The following TTBK1 variants were observed in gnomAD, a reference collection of about 807,000 sequenced individuals.
The protein encoded by TTBK1 is tau tubulin kinase 1.
TTBK1 carries 34 observed loss-of-function variants against 108.5 expected under a neutral mutation model. The observed-to-expected ratio is 0.31, with a 90% CI of 0.24 to 0.42. The LOEUF is 0.42. Ranked by LOEUF, TTBK1 falls within the 10% of genes least tolerant of loss-of-function variation. The pLI is 1.00. For missense variants in TTBK1, 1,539 were observed against 1,826.0 expected, an observed-to-expected ratio of 0.84 and a Z score of 2.86; for synonymous variants, 809 against 795.1, an observed-to-expected ratio of 1.02 and a Z score of -0.29.
chr6:43,245,826 G>A (rs928276975), intron 1 of TTBK1, among the ~76,000 whole-genome samples: 23 of 151,898 alleles, frequency 1.5e-4, no homozygotes, highest in Non-Finnish European at 2.9e-5. Flanking sequence ...CACTTCTCCT[G>A]CCTCCTGCTA....
rs555957876 is a variant in TTBK1 at position 43,282,762 on chromosome 6, C to G, written c.2022C>G (p.Gly674=). The G allele has an allele frequency of 1.9e-6, 3 of 1,611,110 alleles. No homozygotes were observed. Among genetic ancestry groups the G allele is most frequent in the African/African-American group, 1.3e-5 (1 of 74,664 alleles). Residue 674 remains glycine (G), a synonymous_variant, in exon 14 of 15, where the codon GGC becomes GGG. Transcript: ENST00000259750. The surrounding 1 kb of genome is among the most constrained non-coding windows in gnomAD (Gnocchi z 5.4). ...TGGCGCCCCCATTTGAGGTGAATGG[C>G]CTCCCACGAGCTGTGCCTCTGAGTC... is the stretch of plus-strand genomic sequence containing the variant. ...FSVAPPFEVN[G]LPRAVPLSLP...
At position 43,285,247 on chromosome 6, in the gene TTBK1, C is replaced by A; in HGVS notation, c.3837C>A (p.Ala1279=). The A allele has an allele frequency of 7.7e-7, 1 of 1,296,194 alleles. No homozygotes were observed. The highest frequency in any genetic ancestry group is 2.6e-5 in the South Asian group (1 of 39,068). The allele number at this position is 1,296,194 out of a possible 1,614,324, so 80.3% of individuals were successfully genotyped here. The part of the protein sequence containing the change: ...GVPPPRGVPP[A]RAQPDGTPSP... ...CCCCGCCCCGGGGCGTCCCGCCGGC[C>A]CGGGCCCAGCCTGATGGCACCCCCT... Residue 1279 remains alanine, a synonymous_variant, in exon 15 of 15, where the codon GCC becomes GCA. Transcript: ENST00000259750. This position sits in a 1 kb window ranked among gnomAD's most constrained non-coding sequence, Gnocchi z 4.7.
In TTBK1 at chr6:43,269,966, C is replaced by G. The variant is rs963889163; in HGVS notation, c.1986+6616C>G. 15 of 1,433,432 alleles carry G rather than the reference C, an allele frequency of 1.0e-5. No homozygotes were observed. Among genetic ancestry groups the G allele is most frequent in the East Asian group, 2.6e-5 (1 of 39,044 alleles). 88.8% of individuals were successfully genotyped at this position (1,433,432 alleles called of 1,614,324 possible). A position where few individuals can be genotyped will look rare whatever the true frequency, so the allele number is the denominator to read the frequency against. ...ACAAGACCTAGGCTGGGCCCCCCCC[C>G]TCCTGGAGGGGGCAGGTGGGGGGGG... On this transcript the variant is annotated intron_variant, in intron 13 of 14. Transcript: ENST00000259750. This position sits in a 1 kb window ranked among gnomAD's most constrained non-coding sequence, Gnocchi z 4.8.
At chr6:43,245,690 A>G (rs150572931) in intron 1 of TTBK1, among the ~76,000 whole-genome samples, 5 of 152,222 alleles carry the variant, frequency 3.3e-5, no homozygotes, top group African/African-American at 1.2e-4. Flanking sequence ...TCTCCCTGAT[A>G]TCTAAATTCT....
At chr6:43,245,671 T>C (rs1052362608) in intron 1 of TTBK1, among the ~76,000 whole-genome samples, 1 of 152,034 alleles carries the variant, frequency 6.6e-6, no homozygotes, top group African/African-American at 2.4e-5. Context: ...ACCCCCGCCG[T>C]TGGGAAACTC....
At position 43,282,254 on chromosome 6, in the gene TTBK1, C is replaced by T. The variant is rs1166001359; in HGVS notation, c.1987-473C>T. Among the ~76,000 whole-genome samples, 3 of 152,208 alleles carry T rather than the reference C, an allele frequency of 2.0e-5. No homozygotes were observed. The highest frequency in any genetic ancestry group is 4.4e-5 in the Non-Finnish European group (3 of 68,040). On this transcript the variant is annotated intron_variant, in intron 13 of 14. Coordinates refer to ENST00000259750, the MANE Select transcript of TTBK1 (RefSeq NM_032538.3). The surrounding 1 kb of genome is among the most constrained non-coding windows in gnomAD (Gnocchi z 5.4). ...CATCTAGGAGCCAGCCCGGCACAGC[C>T]CATCCAGGAAGTGGCACAGATACTT...
chr6:43,255,864 C>T lies in TTBK1; in HGVS notation c.861+8C>T. The T allele has an allele frequency of 6.2e-7, 1 of 1,614,064 alleles. No homozygotes were observed. Among genetic ancestry groups the T allele is most frequent in the Non-Finnish European group, 8.5e-7 (1 of 1,179,966 alleles). ...ACCAAGCCCGACTACCAGGTGGGAGCCTGCTACCCTGCCCCCGCTCCCTCG... is the reference window on the plus strand; with the variant it reads ...ACCAAGCCCGACTACCAGGTGGGAGTCTGCTACCCTGCCCCCGCTCCCTCG... On this transcript the variant is annotated splice_region_variant and intron_variant, in intron 9 of 14. Coordinates refer to ENST00000259750, the MANE Select transcript of TTBK1 (RefSeq NM_032538.3).
chr6:43,263,600 G>A lies in TTBK1; in HGVS notation c.1986+250G>A, dbSNP rs975112930. ...GCAGTGAAGCCAAGTGACAAGGCAG[G>A]AGAAGGGCCTCGCAGGCCACGGGCA... On this transcript the variant is annotated intron_variant, in intron 13 of 14. Coordinates refer to ENST00000259750, the MANE Select transcript of TTBK1 (RefSeq NM_032538.3). The surrounding 1 kb of genome is among the most constrained non-coding windows in gnomAD (Gnocchi z 4.7). Among the ~76,000 whole-genome samples, 5 of 152,242 alleles carry A rather than the reference G, an allele frequency of 3.3e-5. No homozygotes were observed. The highest frequency in any genetic ancestry group is 4.1e-4 in the South Asian group (2 of 4,830).
At position 43,254,306 on chromosome 6, in the gene TTBK1, A is replaced by G. The variant is rs370218815; in HGVS notation, c.472-241A>G. ...GTCACCACTTGCTGTGTAATCTCAGAGATGCTTCCTAAGCTCTTTGACCTT... is the reference window on the plus strand; with the variant it reads ...GTCACCACTTGCTGTGTAATCTCAGGGATGCTTCCTAAGCTCTTTGACCTT... On this transcript the variant is annotated intron_variant, in intron 5 of 14. Transcript: ENST00000259750. Among the ~76,000 whole-genome samples, 25 of 152,362 alleles carry G rather than the reference A, an allele frequency of 1.6e-4. No individual in the cohort carries two copies. In the East Asian group the frequency reaches 2.5e-3, roughly 15 times the overall value.
intron 13 of TTBK1, among the ~76,000 whole-genome samples, chr6:43,266,184 G>A (rs1264612128): frequency 6.6e-6 from 1 of 152,208 alleles, no homozygotes; most frequent in African/African-American, 2.4e-5. Context: ...CTGTGCATGT[G>A]CGTTTGTGTC....
chr6:43,266,569 G>C (rs922891688), intron 13 of TTBK1, among the ~76,000 whole-genome samples: 1 of 152,220 alleles, frequency 6.6e-6, no homozygotes, highest in East Asian at 1.9e-4. Context: ...CAGGCAACTC[G>C]TTCCGAGAGC....
chr6:43,272,513 C>G, intron 13 of TTBK1: 2 of 985,432 alleles, frequency 2.0e-6, no homozygotes, highest in Non-Finnish European at 2.4e-6. Flanking sequence ...AGGGTGTGTC[C>G]TTTAAAGCAA....
In TTBK1 at chr6:43,283,379, A is replaced by G; in HGVS notation, c.2639A>G (p.Asp880Gly). 1 of 1,606,562 alleles carries G rather than the reference A, an allele frequency of 6.2e-7. No individual in the cohort carries two copies. ...ERPQPTGSQL[D>G]VSEPGTLSSV... ...CCCCAGCCCACGGGCAGCCAGCTGG[A>G]CGTATCTGAGCCAGGCACCCTGTCC... The change falls in exon 14 of 15, where the codon GAC becomes GGC. Residue 880 changes from aspartate to glycine, a missense_variant. By Grantham distance (94) the Asp-to-Gly change is moderately conservative (BLOSUM62 -1). Transcript: ENST00000259750. This position sits in a 1 kb window ranked among gnomAD's most constrained non-coding sequence, Gnocchi z 8.1.
At position 43,283,995 on chromosome 6, in the gene TTBK1, G is replaced by T. The variant is rs895320997; in HGVS notation, c.3255G>T (p.Pro1085=). 9 of 1,602,232 alleles carry T rather than the reference G, an allele frequency of 5.6e-6. No individual in the cohort carries two copies. Among genetic ancestry groups the T allele is most frequent in the African/African-American group, 1.3e-5 (1 of 74,730 alleles). The part of the protein sequence containing the change: ...AKERWSKRAR[P]QQDLARLVME... ...AGCGGTGGAGCAAGCGGGCTCGGCC[G>T]CAGCAGGACCTGGCGCGGCTGGTGA... The change falls in exon 14 of 15, where the codon CCG becomes CCT. Residue 1085 remains proline, a synonymous_variant. Transcript: ENST00000259750. This position sits in a 1 kb window ranked among gnomAD's most constrained non-coding sequence, Gnocchi z 8.1.
At position 43,287,225 on chromosome 6, in the gene TTBK1, T is replaced by A. The variant is rs535607680; in HGVS notation, c.*1849T>A. Reference sequence around the variant, plus strand: ...AACTTGAGGCCCTCCCAAGGCCCTCTACTGCCCTCTGGGTCCAGCAGAGGG... The same window carrying A: ...AACTTGAGGCCCTCCCAAGGCCCTCAACTGCCCTCTGGGTCCAGCAGAGGG... On this transcript the variant is annotated 3_prime_UTR_variant, in exon 15 of 15. Transcript: ENST00000259750. The surrounding 1 kb of genome is among the most constrained non-coding windows in gnomAD (Gnocchi z 4.1). The A allele has an allele frequency of 6.5e-6, 1 of 152,730 alleles. No individual in the cohort carries two copies. Among genetic ancestry groups the A allele is most frequent in the South Asian group, 2.1e-4 (1 of 4,828 alleles). 9.5% of individuals were successfully genotyped at this position (152,730 alleles called of 1,614,324 possible). A position where few individuals can be genotyped will look rare whatever the true frequency, so the allele number is the denominator to read the frequency against.
chr6:43,283,768 G>A lies in TTBK1; in HGVS notation c.3028G>A (p.Ala1010Thr), dbSNP rs779381787. ...GAPRETPSEMATNSLPNGPAL... is the reference protein window; with the variant it reads ...GAPRETPSEMTTNSLPNGPAL... ...CCCCCGGGAAACCCCCTCAGAGATG[G>A]CCACAAACTCACTGCCCAATGGCCC... Residue 1010 changes from alanine (A) to threonine (T), a missense_variant, in exon 14 of 15, where the codon GCC becomes ACC. This residue lies in a region of TTBK1 where 1,055 missense variants were observed against 1,086.5 expected (regional missense o/e 0.97). Transcript: ENST00000259750. This position sits in a 1 kb window ranked among gnomAD's most constrained non-coding sequence, Gnocchi z 8.1. The A allele has an allele frequency of 1.2e-6, 2 of 1,607,788 alleles. No homozygotes were observed. Among genetic ancestry groups the A allele is most frequent in the South Asian group, 1.1e-5 (1 of 91,018 alleles).
chr6:43,265,972 G>A lies in TTBK1; in HGVS notation c.1986+2622G>A, dbSNP rs149402054. On this transcript the variant is annotated intron_variant, in intron 13 of 14. Coordinates refer to ENST00000259750, the MANE Select transcript of TTBK1 (RefSeq NM_032538.3). This position sits in a 1 kb window ranked among gnomAD's most constrained non-coding sequence, Gnocchi z 4.1. ...TCACTTTGGGGAATTCTGGCCAAGC[G>A]GGTGGGGAGAGAGAGATTTGGTGGG... Among the ~76,000 whole-genome samples the A allele has an allele frequency of 3.2e-3, 488 of 152,236 alleles. 5 individuals are homozygous for A. The highest frequency in any genetic ancestry group is 4.1e-3 in the Non-Finnish European group (280 of 68,020).
rs775874602 is a variant in TTBK1, at chr6:43,269,623, A to G, written c.1986+6273A>G. Reference sequence around the variant, plus strand: ...TGTGCCTGACACCTCTTTTCCCTCCACTTTCTTGGTCTCTTTCAGTTGGAG... The same window carrying G: ...TGTGCCTGACACCTCTTTTCCCTCCGCTTTCTTGGTCTCTTTCAGTTGGAG... On this transcript the variant is annotated intron_variant, in intron 13 of 14. Transcript: ENST00000259750. This position sits in a 1 kb window ranked among gnomAD's most constrained non-coding sequence, Gnocchi z 4.8. 1.9e-6 allele frequency: 3 copies of G among 1,598,756 alleles called. No homozygotes were observed. Among genetic ancestry groups the G allele is most frequent in the Non-Finnish European group, 8.5e-7 (1 of 1,170,910 alleles).
At position 43,285,225 on chromosome 6, in the gene TTBK1, C is replaced by G. The variant is rs1582529984; in HGVS notation, c.3815C>G (p.Pro1272Arg). The G allele has an allele frequency of 3.1e-6, 4 of 1,303,332 alleles. No homozygotes were observed. Among genetic ancestry groups the G allele is most frequent in the Non-Finnish European group, 3.9e-6 (4 of 1,028,684 alleles). The allele number at this position is 1,303,332 out of a possible 1,614,324, so 80.7% of individuals were successfully genotyped here. Residue 1272 changes from proline (P) to arginine (R), a missense_variant, in exon 15 of 15, where the codon CCG becomes CGG. Pro to Arg is a moderately radical substitution (Grantham distance 103). Coordinates refer to ENST00000259750, the MANE Select transcript of TTBK1 (RefSeq NM_032538.3). This position sits in a 1 kb window ranked among gnomAD's most constrained non-coding sequence, Gnocchi z 4.7. The part of the protein sequence containing the change: ...PSHQARPGVP[P>R]PRGVPPARAQ... Reference sequence around the variant, plus strand: ...CACCAGGCCCGGCCCGGGGTCCCCCCGCCCCGGGGCGTCCCGCCGGCCCGG... The same window carrying G: ...CACCAGGCCCGGCCCGGGGTCCCCCGGCCCCGGGGCGTCCCGCCGGCCCGG...
Sources: gnomAD v4.1 joint callset for allele counts (sites outside exome capture counted in the v4.1 genomes callset) on GRCh38, gnomAD v4.1.1 for gene constraint, gnomAD v4.1.1 regional missense constraint, Gnocchi (gnomAD v3.1) non-coding constraint, MANE v1.5 for transcripts, NCBI Gene and HGNC (gene_info 2026-07-23, HGNC 2026-07-21) for gene names.